The following SP3 variants were observed in gnomAD, a reference collection of about 807,000 sequenced individuals.
The protein encoded by SP3 is transcription factor Sp3.
SP3 carries 10 observed loss-of-function variants against 70.3 expected under a neutral mutation model. The observed-to-expected ratio is 0.14, with a 90% CI of 0.09 to 0.24. The LOEUF (loss-of-function observed/expected upper bound fraction) is 0.24. SP3 is among the 10% of genes least tolerant of loss of function. The probability of loss-of-function intolerance (pLI) is 1.00; values close to 1 mark genes in which losing one functional copy is unlikely to be tolerated. For missense variants in SP3, 825 were observed against 914.6 expected (o/e 0.90, Z 1.26); for synonymous variants, 402 against 333.5 (o/e 1.21, Z -2.24).
intron 4 of SP3, among the ~76,000 whole-genome samples, chr2:173,926,733 C>A (rs1011835426): frequency 6.6e-6 from 1 of 152,102 alleles, no homozygotes; most frequent in Non-Finnish European, 1.5e-5. Context: ...CACATTAATT[C>A]TATTAACTAA....
intron 6 of SP3, among the ~76,000 whole-genome samples, chr2:173,911,095 A>C (rs1419595239): frequency 6.6e-6 from 1 of 152,044 alleles, no homozygotes; most frequent in Non-Finnish European, 1.5e-5. Context: ...TAGCACCTCT[A>C]CTCTACATAG....
intron 4 of SP3, among the ~76,000 whole-genome samples, chr2:173,946,536 C>A (rs1284524572): frequency 6.6e-6 from 1 of 152,006 alleles, no homozygotes; most frequent in African/African-American, 2.4e-5. Flanking sequence ...CCTACTTAAT[C>A]CTACAGTAGT....
In SP3 at chr2:173,965,182, G is replaced by T; in HGVS notation, c.-11C>A. 1 of 1,547,586 alleles carries T rather than the reference G, an allele frequency of 6.5e-7. No homozygotes were observed. The highest frequency in any genetic ancestry group is 8.7e-7 in the Non-Finnish European group (1 of 1,145,692). ...TTACGTACCGGTCATAGTGTGTTTA[G>T]GGCACCTCAGGCGGGGCTCCCCGCC... On this transcript the variant is annotated 5_prime_UTR_variant, in exon 1 of 7. Coordinates refer to ENST00000310015, the MANE Select transcript of SP3 (RefSeq NM_003111.5).
In SP3 at chr2:173,907,260, TAAAGC is replaced by T; in HGVS notation, c.*2676_*2680del. On this transcript the variant is annotated 3_prime_UTR_variant, in exon 7 of 7. Transcript: ENST00000310015. The stretch of plus-strand genomic sequence containing the variant: ...GCACTAACTCTAGCCTTTACAAAAA[TAAAGC>T]AATTGACAAAACACCTATTAGAGTA... The T allele has an allele frequency of 1.3e-5, 2 of 152,218 alleles. No individual in the cohort carries two copies. Among genetic ancestry groups the T allele is most frequent in the Admixed American group, 1.3e-4 (2 of 15,290 alleles). 9.4% of individuals were successfully genotyped at this position (152,218 alleles called of 1,614,324 possible).
chr2:173,950,243 T>G (rs988446609), intron 4 of SP3, among the ~76,000 whole-genome samples: 2 of 150,728 alleles, frequency 1.3e-5, no homozygotes, highest in African/African-American at 2.4e-5. Context: ...CAGGCTCGAG[T>G]AGAGGTCATT....
rs529489259 is a variant in SP3, at chr2:173,926,275, T to C, written c.1640-7490A>G. Among the ~76,000 whole-genome samples, 16 of 152,310 alleles carry C rather than the reference T, an allele frequency of 1.1e-4. No homozygotes were observed. The East Asian group carries it at 2.3e-3, about 22-fold the overall frequency. On this transcript the variant is annotated intron_variant, in intron 4 of 6. Coordinates refer to ENST00000310015, the MANE Select transcript of SP3 (RefSeq NM_003111.5). The stretch of plus-strand genomic sequence containing the variant: ...TTTAGTAAGACCAATGAAGGAAACA[T>C]ACAAAATAGCAATAATATATATTAT...
intron 4 of SP3, among the ~76,000 whole-genome samples, chr2:173,949,036 T>C (rs933370888): frequency 3.9e-5 from 6 of 152,128 alleles, no homozygotes; most frequent in Admixed American, 1.3e-4. Context: ...AACAACCTTT[T>C]ATGTTGTGTA....
At chr2:173,962,725 A>G (rs895594644) in intron 3 of SP3, among the ~76,000 whole-genome samples, 3 of 152,186 alleles carry the variant, frequency 2.0e-5, no homozygotes, top group Admixed American at 1.3e-4. Context: ...TTCAGTGACT[A>G]TTGAAAGTAT....
intron 4 of SP3, among the ~76,000 whole-genome samples, chr2:173,930,318 G>A (rs1398557576): frequency 6.6e-6 from 1 of 152,100 alleles, no homozygotes; most frequent in Non-Finnish European, 1.5e-5. Context: ...GCTCATCCCA[G>A]TACTTTGGGA....
chr2:173,907,309 T>C lies in SP3; in HGVS notation c.*2632A>G, dbSNP rs781550734. On this transcript the variant is annotated 3_prime_UTR_variant, in exon 7 of 7. Coordinates refer to ENST00000310015, the MANE Select transcript of SP3 (RefSeq NM_003111.5). ...TAGAGTATACCTACCCTGAGAATTATACACAATACTAATAGGTTTTATAAC... is the reference window on the plus strand; with the variant it reads ...TAGAGTATACCTACCCTGAGAATTACACACAATACTAATAGGTTTTATAAC... 12 of 152,138 alleles carry C rather than the reference T, an allele frequency of 7.9e-5. No individual in the cohort carries two copies. Among genetic ancestry groups the C allele is most frequent in the Admixed American group, 7.2e-4 (11 of 15,276 alleles). The allele number at this position is 152,138 out of a possible 1,614,324, so 9.4% of individuals were successfully genotyped here.
At chr2:173,963,625 G>A (rs1463152712) in intron 3 of SP3, 136 bp downstream of exon 3, 4 of 176,246 alleles carry the variant, frequency 2.3e-5, no homozygotes, top group Non-Finnish European at 3.4e-5. Flanking sequence ...GAGCAGGAAA[G>A]GGCGCCCTGG....
chr2:173,954,723 G>A lies in SP3; in HGVS notation c.1639+150C>T, dbSNP rs572320067. 5.4e-5 allele frequency: 38 copies of A among 701,284 alleles called. No homozygotes were observed. The East Asian group carries it at 1.0e-3, about 19-fold the overall frequency. 43.4% of individuals were successfully genotyped at this position (701,284 alleles called of 1,614,324 possible). A position where few individuals can be genotyped will look rare whatever the true frequency, so the allele number is the denominator to read the frequency against. The stretch of plus-strand genomic sequence containing the variant: ...CAAAGAATAATTTGGAAGATACTTT[G>A]ATGTCTACTTTCATACAAACATATT... On this transcript the variant is annotated intron_variant, in intron 4 of 6. Transcript: ENST00000310015.
At chr2:173,954,793 G>C in intron 4 of SP3, 80 bp downstream of exon 4, 1 of 1,312,782 alleles carries the variant, frequency 7.6e-7, no homozygotes, top group South Asian at 1.4e-5. Context: ...GTCTGATGCT[G>C]ATAAATACCT....
At chr2:173,952,353 T>C (rs1690733577) in intron 4 of SP3, among the ~76,000 whole-genome samples, 1 of 152,116 alleles carries the variant, frequency 6.6e-6, no homozygotes, top group Non-Finnish European at 1.5e-5. Flanking sequence ...AGATATGCAG[T>C]AGGAACTACA....
Position 173,905,856 on chromosome 2 carries a change from G to A in SP3, c.*4085C>T, listed in dbSNP as rs1689299795. On this transcript the variant is annotated 3_prime_UTR_variant, in exon 7 of 7. Coordinates refer to ENST00000310015, the MANE Select transcript of SP3 (RefSeq NM_003111.5). The stretch of plus-strand genomic sequence containing the variant: ...TCTACAAAACAAATTAAAATTAACT[G>A]AGCATGGTGGTGTGCACCTGTGGTC... Among the ~76,000 whole-genome samples the A allele has an allele frequency of 6.6e-6, 1 of 152,098 alleles. No individual in the cohort carries two copies. The highest frequency in any genetic ancestry group is 2.4e-5 in the African/African-American group (1 of 41,404).
In SP3 at chr2:173,908,222, T is replaced by C. The variant is rs1689382585; in HGVS notation, c.*1719A>G. 6.6e-6 allele frequency: 1 copy of C among 152,100 alleles called. No individual in the cohort carries two copies. The highest frequency in any genetic ancestry group is 1.5e-5 in the Non-Finnish European group (1 of 67,958). 9.4% of individuals were successfully genotyped at this position (152,100 alleles called of 1,614,324 possible). ...TTTCGATAAATCAAAATATTCTGCA[T>C]TGCTTTAAAACGGAAAACAAAAAAA... On this transcript the variant is annotated 3_prime_UTR_variant, in exon 7 of 7. Transcript: ENST00000310015.
chr2:173,950,814 TAGAA>T (rs1278584498), intron 4 of SP3, among the ~76,000 whole-genome samples: 3 of 152,190 alleles, frequency 2.0e-5, no homozygotes, highest in Non-Finnish European at 4.4e-5. Context: ...TCTTGCCAAT[TAGAA>T]AGATAGTATA....
intron 3 of SP3, among the ~76,000 whole-genome samples, chr2:173,961,147 A>C (rs1227082791): frequency 6.6e-6 from 1 of 152,236 alleles, no homozygotes; most frequent in Non-Finnish European, 1.5e-5. Flanking sequence ...CCACAACTTA[A>C]GTACAAAGGA....
intron 5 of SP3, among the ~76,000 whole-genome samples, chr2:173,917,944 C>T (rs1465732923): frequency 6.6e-6 from 1 of 151,260 alleles, no homozygotes; most frequent in African/African-American, 2.4e-5. Flanking sequence ...TATTCCTGTG[C>T]CAATTATTTC....
Sources: gnomAD v4.1 joint callset for allele counts (sites outside exome capture counted in the v4.1 genomes callset) on GRCh38, gnomAD v4.1.1 for gene constraint, MANE v1.5 for transcripts, NCBI Gene and HGNC (gene_info 2026-07-23, HGNC 2026-07-21) for gene names.